AHCYL2: variants seen among roughly 807,000 people sequenced by gnomAD.
AHCYL2 encodes S-adenosylhomocysteine hydrolase-like protein 2.
AHCYL2 carries 28 observed loss-of-function variants against 81.4 expected under a neutral mutation model. The ratio of observed to expected loss-of-function variants is 0.34; its 90% confidence interval spans 0.25 to 0.47. AHCYL2 has a LOEUF of 0.47. AHCYL2 is among the 20% of genes least tolerant of loss of function. The pLI, the probability that AHCYL2 is intolerant of heterozygous loss-of-function variation, is 1.00. For missense variants in AHCYL2, 551 were observed against 785.1 expected, an observed-to-expected ratio of 0.70 and a Z score of 3.56; for synonymous variants, 272 against 290.2, an observed-to-expected ratio of 0.94 and a Z score of 0.64.
intron 1 of AHCYL2, among the ~76,000 whole-genome samples, chr7:129,262,315 A>G (rs1480031373): frequency 6.6e-6 from 1 of 152,242 alleles, no homozygotes; most frequent in Non-Finnish European, 1.5e-5. Flanking sequence ...AATAAGCTAT[A>G]GGAGGAGTCA....
rs987609527 is a variant in AHCYL2, at chr7:129,419,596, G to C, written c.1462-3244G>C. 9.2e-5 allele frequency among the ~76,000 whole-genome samples: 14 copies of C among 152,124 alleles called. No homozygotes were observed. The highest frequency in any genetic ancestry group is 1.8e-4 in the Non-Finnish European group (12 of 68,020). On this transcript the variant is annotated intron_variant, in intron 12 of 16. Transcript: ENST00000325006. This position sits in a 1 kb window ranked among gnomAD's most constrained non-coding sequence, Gnocchi z 4.7. ...CTTACCCATGTGTATCACATAGAAG[G>C]CCTGTGTAATTGTAAGCTTCACAAT...
intron 1 of AHCYL2, among the ~76,000 whole-genome samples, chr7:129,304,167 C>A (rs1042101568): frequency 1.3e-5 from 2 of 152,196 alleles, no homozygotes; most frequent in African/African-American, 4.8e-5. Context: ...TCATTTGTTT[C>A]AAGAAATTCC....
At chr7:129,238,796 C>T (rs985753661) in intron 1 of AHCYL2, among the ~76,000 whole-genome samples, 2 of 152,106 alleles carry the variant, frequency 1.3e-5, no homozygotes, top group African/African-American at 4.8e-5. Context: ...ACTAAAAATA[C>T]AGAAGTTAGT....
At chr7:129,251,506 T>A (rs1795250084) in intron 1 of AHCYL2, among the ~76,000 whole-genome samples, 1 of 152,154 alleles carries the variant, frequency 6.6e-6, no homozygotes, top group Admixed American at 6.6e-5. Context: ...TCCAGTTTCT[T>A]CTTAGTAATT....
At position 129,429,893 on chromosome 7, in the gene AHCYL2, G is replaced by C. The variant is rs1797512004; in HGVS notation, c.*2848G>C. ...CTGTGGTTTTCTCAAAATTAACTTT[G>C]CCGTGGTTTTTAAAAAGGAATCAAA... is the stretch of plus-strand genomic sequence containing the variant. On this transcript the variant is annotated 3_prime_UTR_variant, in exon 17 of 17. Transcript: ENST00000325006. 1 of 152,496 alleles carries C rather than the reference G, an allele frequency of 6.6e-6. No individual in the cohort carries two copies. Among genetic ancestry groups the C allele is most frequent in the Admixed American group, 6.5e-5 (1 of 15,272 alleles). The allele number at this position is 152,496 out of a possible 1,614,324, so 9.4% of individuals were successfully genotyped here.
intron 1 of AHCYL2, among the ~76,000 whole-genome samples, chr7:129,302,448 G>A (rs1206948475): frequency 6.6e-6 from 1 of 152,126 alleles, no homozygotes; most frequent in African/African-American, 2.4e-5. Flanking sequence ...CTAAATCTTA[G>A]AGGAAAGGCT....
Position 129,260,100 on chromosome 7 carries a change from A to G in AHCYL2, c.363+34661A>G, listed in dbSNP as rs538154764. ...TCAAAAAAAAAAAAAAAAAGCTGAT[A>G]TAAGACAAATTCTGATTTTTAAGGT... On this transcript the variant is annotated intron_variant, in intron 1 of 16. Transcript: ENST00000325006. 2.6e-5 allele frequency among the ~76,000 whole-genome samples: 4 copies of G among 151,038 alleles called. No homozygotes were observed. In the South Asian group the frequency reaches 8.4e-4, roughly 32 times the overall value.
chr7:129,373,182 C>T (rs1386887844), intron 1 of AHCYL2, among the ~76,000 whole-genome samples: 1 of 152,076 alleles, frequency 6.6e-6, no homozygotes, highest in Non-Finnish European at 1.5e-5. Context: ...GGTTAAGATC[C>T]AGCAATGTGC....
intron 1 of AHCYL2, among the ~76,000 whole-genome samples, chr7:129,246,305 G>A (rs939023840): frequency 3.9e-5 from 6 of 152,116 alleles, no homozygotes; most frequent in African/African-American, 7.2e-5. Context: ...TGATCCACCC[G>A]CCTCGGCCTC....
rs992197500 is a variant in AHCYL2 at position 129,430,015 on chromosome 7, A to G, written c.*2970A>G. ...TATGTGGACAGGTTCTAAACTCTATATATACATATATATATATATATCTAT... is the reference window on the plus strand; with the variant it reads ...TATGTGGACAGGTTCTAAACTCTATGTATACATATATATATATATATCTAT... On this transcript the variant is annotated 3_prime_UTR_variant, in exon 17 of 17. Coordinates refer to ENST00000325006, the MANE Select transcript of AHCYL2 (RefSeq NM_015328.4). 6.7e-6 allele frequency: 1 copy of G among 149,406 alleles called. No individual in the cohort carries two copies. The highest frequency in any genetic ancestry group is 1.5e-5 in the Non-Finnish European group (1 of 67,594). The allele number at this position is 149,406 out of a possible 1,614,324, so 9.3% of individuals were successfully genotyped here.
intron 1 of AHCYL2, among the ~76,000 whole-genome samples, chr7:129,257,784 T>C (rs1382233610): frequency 6.6e-6 from 1 of 152,118 alleles, no homozygotes; most frequent in African/African-American, 2.4e-5. Flanking sequence ...TTTGAAGTAA[T>C]GGTCTAGATG....
At chr7:129,269,131 GTT>G (rs55981012) in intron 1 of AHCYL2, among the ~76,000 whole-genome samples, 128,501 of 139,336 alleles carry the variant, frequency 0.92, 59,697 homozygotes, top group East Asian at 0.99. Flanking sequence ...AATGATTCCT[GTT>G]TTTTTTTTTT....
chr7:129,259,039 C>G (rs192559437), intron 1 of AHCYL2, among the ~76,000 whole-genome samples: 1 of 152,270 alleles, frequency 6.6e-6, no homozygotes, highest in Admixed American at 6.5e-5. Flanking sequence ...GAGAAACTAA[C>G]ACCAAACTAA....
At chr7:129,309,306 A>G (rs1271794778) in intron 1 of AHCYL2, among the ~76,000 whole-genome samples, 1 of 152,138 alleles carries the variant, frequency 6.6e-6, no homozygotes, top group African/African-American at 2.4e-5. Context: ...TGGGAGGCCA[A>G]GATGGGAGGA....
In AHCYL2 at chr7:129,225,223, C is replaced by A. The variant is rs1415572657; in HGVS notation, c.147C>A (p.Asp49Glu). The A allele has an allele frequency of 1.3e-6, 2 of 1,504,762 alleles. No individual in the cohort carries two copies. Among genetic ancestry groups the A allele is most frequent in the Non-Finnish European group, 1.8e-6 (2 of 1,134,118 alleles). The allele number at this position is 1,504,762 out of a possible 1,614,324, so 93.2% of individuals were successfully genotyped here. Reference protein sequence around the residue: ...GAMAPPAGGGDPEAPAPAAER... With the variant: ...GAMAPPAGGGEPEAPAPAAER... Reference sequence around the variant, plus strand: ...TGGCCCCCCCGGCGGGCGGTGGAGACCCTGAGGCTCCAGCTCCCGCCGCGG... The same window carrying A: ...TGGCCCCCCCGGCGGGCGGTGGAGAACCTGAGGCTCCAGCTCCCGCCGCGG... Residue 49 changes from aspartate (D) to glutamate (E), a missense_variant, in exon 1 of 17, where the codon GAC (aspartate) becomes GAA (glutamate). Coordinates refer to ENST00000325006, the MANE Select transcript of AHCYL2 (RefSeq NM_015328.4).
chr7:129,301,324 T>C (rs1797249620), intron 1 of AHCYL2, among the ~76,000 whole-genome samples: 2 of 152,110 alleles, frequency 1.3e-5, no homozygotes, highest in East Asian at 1.9e-4. Flanking sequence ...GTCTTCACTT[T>C]GTTGGTTGTT....
intron 1 of AHCYL2, among the ~76,000 whole-genome samples, chr7:129,307,171 G>A (rs1444095695): frequency 6.6e-6 from 1 of 152,116 alleles, no homozygotes; most frequent in Non-Finnish European, 1.5e-5. Flanking sequence ...AGCTAGTCTT[G>A]TGCCTTTCCC....
intron 10 of AHCYL2, among the ~76,000 whole-genome samples, chr7:129,408,500 A>T (rs1796407190): frequency 6.6e-6 from 1 of 152,204 alleles, no homozygotes; most frequent in South Asian, 2.1e-4. Flanking sequence ...GATAGAAAAT[A>T]TAGAAGAAGA....
intron 1 of AHCYL2, among the ~76,000 whole-genome samples, chr7:129,313,806 C>G (rs1421898936): frequency 6.6e-6 from 1 of 152,090 alleles, no homozygotes; most frequent in African/African-American, 2.4e-5. Flanking sequence ...CTTTCTTTTC[C>G]ATTTTAACAT....
Sources: allele counts gnomAD v4.1 joint callset (sites outside exome capture counted in the v4.1 genomes callset), GRCh38; gene constraint gnomAD v4.1.1; non-coding constraint Gnocchi (gnomAD v3.1); transcripts MANE v1.5; gene names NCBI Gene and HGNC (gene_info 2026-07-23, HGNC 2026-07-21).